MS4A2: variants seen among roughly 807,000 people sequenced by gnomAD.
MS4A2 encodes the protein high affinity immunoglobulin epsilon receptor subunit beta.
A neutral mutation model predicts 27.9 loss-of-function variants in MS4A2; 26 were observed. The observed-to-expected ratio is 0.93, with a 90% CI of 0.68 to 1.29. The LOEUF (loss-of-function observed/expected upper bound fraction) is 1.29. Ranked by LOEUF, MS4A2 falls within the 50% of genes most tolerant of loss-of-function variation. The pLI, the probability that MS4A2 is intolerant of heterozygous loss-of-function variation, is 0.00. For synonymous variants in MS4A2, 110 were observed against 98.8 expected (o/e 1.11, Z -0.67); for missense variants, 284 against 284.6 (o/e 1.00, Z 0.01).
intron 2 of MS4A2, among the ~76,000 whole-genome samples, chr11:60,090,118 G>T (rs1855730037): frequency 6.6e-6 from 1 of 152,106 alleles, no homozygotes; most frequent in Non-Finnish European, 1.5e-5. Flanking sequence ...GTACATAAAG[G>T]CGCATGGAGA....
intron 5 of MS4A2, 137 bp downstream of exon 5, chr11:60,093,695 C>A: frequency 7.8e-7 from 1 of 1,277,760 alleles, no homozygotes; most frequent in Non-Finnish European, 1.1e-6. Flanking sequence ...TAAGTTCACA[C>A]AGCCCAGGGA....
chr11:60,092,182 G>A lies in MS4A2; in HGVS notation c.322-610G>A, dbSNP rs148975456. Among the ~76,000 whole-genome samples, 1,209 of 152,154 alleles carry A rather than the reference G, an allele frequency of 7.9e-3. 14 individuals are homozygous for A. Among genetic ancestry groups the A allele is most frequent in the African/African-American group, 0.027 (1,123 of 41,490 alleles). Reference sequence around the variant, plus strand: ...CTACTCCAAGAGTAACCCCTGCATTGTCAGGGTTAGCATCTCCTGGAAGCC... The same window carrying A: ...CTACTCCAAGAGTAACCCCTGCATTATCAGGGTTAGCATCTCCTGGAAGCC... On this transcript the variant is annotated intron_variant, in intron 3 of 6. Coordinates refer to ENST00000278888, the MANE Select transcript of MS4A2 (RefSeq NM_000139.5).
rs1221178077 is a variant in MS4A2 at position 60,092,698 on chromosome 11, C to G, written c.322-94C>G. 2.2e-5 allele frequency: 25 copies of G among 1,111,114 alleles called. No individual in the cohort carries two copies. The South Asian group carries it at 3.3e-4, about 15-fold the overall frequency. The allele number at this position is 1,111,114 out of a possible 1,614,324, so 68.8% of individuals were successfully genotyped here. A position where few individuals can be genotyped will look rare whatever the true frequency, so the allele number is the denominator to read the frequency against. On this transcript the variant is annotated intron_variant, in intron 3 of 6. Coordinates refer to ENST00000278888, the MANE Select transcript of MS4A2 (RefSeq NM_000139.5). Reference sequence around the variant, plus strand: ...ATTAATAAGTAACTTTATCGAGTACCCCAAATGTTACCTATGTTTGGAAGA... The same window carrying G: ...ATTAATAAGTAACTTTATCGAGTACGCCAAATGTTACCTATGTTTGGAAGA...
intron 4 of MS4A2, among the ~76,000 whole-genome samples, chr11:60,093,190 T>A (rs1433798255): frequency 1.3e-5 from 2 of 152,226 alleles, no homozygotes; most frequent in African/African-American, 4.8e-5. Flanking sequence ...GGAAAGACCG[T>A]ACGTGTTCAT....
chr11:60,095,406 G>T, intron 6 of MS4A2, 152 bp from the exon 7 acceptor site: 1 of 664,050 alleles, frequency 1.5e-6, no homozygotes, highest in South Asian at 1.7e-5. Context: ...AGTCTGGTTT[G>T]GTTTTCTGGA....
Position 60,095,593 on chromosome 11 carries a change from A to C in MS4A2, c.672A>C (p.Ile224=), listed in dbSNP as rs752727194. ...ATCGTGTTTATGAAGAATTAAACATATATTCAGCTACTTACAGTGAGTTGG... is the reference window on the plus strand; with the variant it reads ...ATCGTGTTTATGAAGAATTAAACATCTATTCAGCTACTTACAGTGAGTTGG... The part of the protein sequence containing the change: ...PEDRVYEELN[I]YSATYSELED... The change falls in exon 7 of 7, where the codon ATA becomes ATC. Residue 224 remains isoleucine, a synonymous_variant. Coordinates refer to ENST00000278888, the MANE Select transcript of MS4A2 (RefSeq NM_000139.5). 3 of 1,612,574 alleles carry C rather than the reference A, an allele frequency of 1.9e-6. No homozygotes were observed. In the Admixed American group the frequency reaches 5.0e-5, roughly 27 times the overall value.
chr11:60,095,607 A>C lies in MS4A2; in HGVS notation c.686A>C (p.Tyr229Ser), dbSNP rs552928823. The C allele has an allele frequency of 1.2e-6, 2 of 1,613,070 alleles. No homozygotes were observed. Among genetic ancestry groups the C allele is most frequent in the African/African-American group, 2.7e-5 (2 of 75,030 alleles). ...YEELNIYSATYSELEDPGEMS... is the reference protein window; with the variant it reads ...YEELNIYSATSSELEDPGEMS... ...GAATTAAACATATATTCAGCTACTT[A>C]CAGTGAGTTGGAAGACCCAGGGGAA... Residue 229 changes from tyrosine to serine, a missense_variant, in exon 7 of 7, where the codon TAC becomes TCC. Physicochemically the swap from Tyr to Ser is moderately radical, Grantham distance 144 (BLOSUM62 -2). Transcript: ENST00000278888.
At chr11:60,094,157 T>G (rs1452666447) in intron 6 of MS4A2, 95 bp downstream of exon 6, 1 of 828,570 alleles carries the variant, frequency 1.2e-6, no homozygotes. Context: ...GAAACATTTC[T>G]TCCAGAAAAT....
chr11:60,094,029 C>T lies in MS4A2; in HGVS notation c.603C>T (p.Ile201=). 1 of 1,613,924 alleles carries T rather than the reference C, an allele frequency of 6.2e-7. No individual in the cohort carries two copies. The highest frequency in any genetic ancestry group is 8.5e-7 in the Non-Finnish European group (1 of 1,179,824). ...LGLGSAVSLT[I]CGAGEELKGN... The stretch of plus-strand genomic sequence containing the variant: ...TTGGTAGTGCTGTGTCACTCACAAT[C>T]TGTGGAGCTGGGGAAGAACTCAAAG... The change falls in exon 6 of 7, where the codon ATC becomes ATT. Residue 201 remains isoleucine (I), a synonymous_variant. Coordinates refer to ENST00000278888, the MANE Select transcript of MS4A2 (RefSeq NM_000139.5).
At position 60,097,670 on chromosome 11, in the gene MS4A2, G is replaced by A. The variant is rs1484883975; in HGVS notation, c.*2014G>A. 1.3e-5 allele frequency: 2 copies of A among 152,150 alleles called. No homozygotes were observed. Among genetic ancestry groups the A allele is most frequent in the Non-Finnish European group, 2.9e-5 (2 of 68,024 alleles). 9.4% of individuals were successfully genotyped at this position (152,150 alleles called of 1,614,324 possible). On this transcript the variant is annotated 3_prime_UTR_variant, in exon 7 of 7. Coordinates refer to ENST00000278888, the MANE Select transcript of MS4A2 (RefSeq NM_000139.5). ...GAAAAAAATCAGTCTGAGAGTATTA[G>A]TCACAATTAATGAAATAATTACATT...
intron 1 of MS4A2, 27 bp downstream of exon 1, chr11:60,088,848 A>G: frequency 6.3e-7 from 1 of 1,596,606 alleles, no homozygotes; most frequent in Non-Finnish European, 8.6e-7. Context: ...ATTTTTTTCT[A>G]CCCTCAGTCA....
chr11:60,093,562 T>C lies in MS4A2; in HGVS notation c.537+4T>C, dbSNP rs1309338331. On this transcript the variant is annotated splice_donor_region_variant and intron_variant, in intron 5 of 6. Coordinates refer to ENST00000278888, the MANE Select transcript of MS4A2 (RefSeq NM_000139.5). ...CTTTATGGCTTCCTTTTCCACTGTA[T>C]GTATTTTTTTTTGTGTGGGAAGACT... 6.2e-7 allele frequency: 1 copy of C among 1,614,062 alleles called. No individual in the cohort carries two copies. Among genetic ancestry groups the C allele is most frequent in the Admixed American group, 1.7e-5 (1 of 59,998 alleles).
At chr11:60,093,735 G>A in intron 5 of MS4A2, 177 bp downstream of exon 5, 1 of 970,954 alleles carries the variant, frequency 1.0e-6, no homozygotes, top group Non-Finnish European at 1.6e-6. Flanking sequence ...CCTCAACCCA[G>A]GCAAATTCCT....
At chr11:60,089,596 G>A in intron 1 of MS4A2, 96 bp from the exon 2 acceptor site, 3 of 1,543,640 alleles carry the variant, frequency 1.9e-6, no homozygotes, top group Non-Finnish European at 1.8e-6. Flanking sequence ...GGATGGCTTT[G>A]AAAAAATAAA....
In MS4A2 at chr11:60,089,793, T is replaced by C; in HGVS notation, c.158T>C (p.Val53Ala). 3 of 1,614,082 alleles carry C rather than the reference T, an allele frequency of 1.9e-6. No individual in the cohort carries two copies. The highest frequency in any genetic ancestry group is 2.5e-6 in the Non-Finnish European group (3 of 1,180,012). ...SSPPLHTWLTVLKKEQEFLGV... is the reference protein window; with the variant it reads ...SSPPLHTWLTALKKEQEFLGV... ...CCACCACTGCATACATGGCTGACAG[T>C]TTTGAAAAAAGAGCAGGAGTTCCTG... The change falls in exon 2 of 7, where the codon GTT becomes GCT. Residue 53 changes from valine to alanine, a missense_variant. By Grantham distance (64) the Val-to-Ala change is moderately conservative (BLOSUM62 0). Coordinates refer to ENST00000278888, the MANE Select transcript of MS4A2 (RefSeq NM_000139.5).
At chr11:60,094,117 T>C in intron 6 of MS4A2, 55 bp downstream of exon 6, 2 of 1,211,570 alleles carry the variant, frequency 1.7e-6, no homozygotes, top group Non-Finnish European at 2.5e-6. Context: ...ATTGGAGCTT[T>C]ATTCCTTAAA....
rs1047452503 is a variant in MS4A2 at position 60,097,820 on chromosome 11, A to G, written c.*2164A>G. 6.6e-6 allele frequency: 1 copy of G among 152,226 alleles called. No individual in the cohort carries two copies. The highest frequency in any genetic ancestry group is 6.5e-5 in the Admixed American group (1 of 15,286). The allele number at this position is 152,226 out of a possible 1,614,324, so 9.4% of individuals were successfully genotyped here. ...GACTTGGTATGCTTTATTTAATTGT[A>G]GGGCCTGAGGTTTTCCATTCTCATT... On this transcript the variant is annotated 3_prime_UTR_variant, in exon 7 of 7. Transcript: ENST00000278888.
In MS4A2 at chr11:60,088,727, T is replaced by TAA; in HGVS notation, c.-38_-37dup. 1.3e-6 allele frequency: 2 copies of TAA among 1,595,680 alleles called. No individual in the cohort carries two copies. Among genetic ancestry groups the TAA allele is most frequent in the Non-Finnish European group, 1.7e-6 (2 of 1,168,724 alleles). On this transcript the variant is annotated 5_prime_UTR_variant, in exon 1 of 7. Coordinates refer to ENST00000278888, the MANE Select transcript of MS4A2 (RefSeq NM_000139.5). ...GGAAATCCACCAAGTCTCAATATAATAATATTCTTTATTCCTGGACAGCTC... is the reference window on the plus strand; with the variant it reads ...GGAAATCCACCAAGTCTCAATATAATAAAATATTCTTTATTCCTGGACAGCTC...
At position 60,092,787 on chromosome 11, in the gene MS4A2, A is replaced by T; in HGVS notation, c.322-5A>T. The T allele has an allele frequency of 1.2e-6, 2 of 1,612,666 alleles. No individual in the cohort carries two copies. Among genetic ancestry groups the T allele is most frequent in the Non-Finnish European group, 1.7e-6 (2 of 1,179,016 alleles). ...TGTGGCTTTTTTTTCCTCCTTTTTG[A>T]ACAGTTTTCTATTTCTGGAATGTTG... is the stretch of plus-strand genomic sequence containing the variant. On this transcript the variant is annotated splice_polypyrimidine_tract_variant and splice_region_variant and intron_variant, in intron 3 of 6. Coordinates refer to ENST00000278888, the MANE Select transcript of MS4A2 (RefSeq NM_000139.5).
Sources: gnomAD v4.1 joint callset for allele counts (sites outside exome capture counted in the v4.1 genomes callset) on GRCh38, gnomAD v4.1.1 for gene constraint, MANE v1.5 for transcripts, NCBI Gene and HGNC (gene_info 2026-07-23, HGNC 2026-07-21) for gene names.